Variants in CPQ observed in about 807,000 individuals in gnomAD.
The protein encoded by CPQ is Ser-Met dipeptidase.
A neutral mutation model predicts 45.7 loss-of-function variants in CPQ; 37 were observed. That is an observed-to-expected ratio of 0.81 (90% CI 0.62 to 1.07). The LOEUF is 1.07. CPQ is among the 50% of genes least tolerant of loss of function. The pLI, the probability that CPQ is intolerant of heterozygous loss-of-function variation, is 0.00. For missense variants in CPQ, 537 were observed against 572.9 expected (o/e 0.94, Z 0.64); for synonymous variants, 186 against 205.8 (o/e 0.90, Z 0.82).
rs1157604417 is a variant in CPQ at position 97,109,995 on chromosome 8, C to CAA, written c.1256-33025_1256-33024insAA. Among the ~76,000 whole-genome samples, 8 of 152,238 alleles carry CAA rather than the reference C, an allele frequency of 5.3e-5. No individual in the cohort carries two copies. In the South Asian group the frequency reaches 1.5e-3, roughly 28 times the overall value. On this transcript the variant is annotated intron_variant, in intron 7 of 7. Coordinates refer to ENST00000220763, the MANE Select transcript of CPQ (RefSeq NM_016134.4). ...CAACTCTTATTTTTTTCTATTTTTA[C>CAA]TGAGATACAATTGACATATGGTAAA... is the stretch of plus-strand genomic sequence containing the variant.
intron 6 of CPQ, among the ~76,000 whole-genome samples, chr8:97,060,881 T>A (rs538685652): frequency 6.6e-6 from 1 of 152,264 alleles, no homozygotes; most frequent in South Asian, 2.1e-4. Context: ...AGTTCTAACA[T>A]CCCAGTGACA....
intron 1 of CPQ, among the ~76,000 whole-genome samples, chr8:96,707,663 TAATG>T (rs200941319): frequency 0.014 from 2,189 of 152,008 alleles, 62 homozygotes; most frequent in African/African-American, 0.047. Flanking sequence ...AATTTCATTT[TAATG>T]AATGAATGAA....
chr8:96,831,030 A>G (rs570848395), intron 2 of CPQ, among the ~76,000 whole-genome samples: 20 of 152,310 alleles, frequency 1.3e-4, no homozygotes, highest in African/African-American at 4.1e-4. Context: ...CATAATAACT[A>G]CTTTGCAGAG....
chr8:97,127,009 A>C lies in CPQ; in HGVS notation c.1256-16011A>C, dbSNP rs543116442. Among the ~76,000 whole-genome samples, 223 of 152,348 alleles carry C rather than the reference A, an allele frequency of 1.5e-3. 1 individual carries two copies. Among genetic ancestry groups the C allele is most frequent in the Non-Finnish European group, 2.6e-3 (179 of 68,036 alleles). On this transcript the variant is annotated intron_variant, in intron 7 of 7. Transcript: ENST00000220763. ...AGCCCTTATCTCATACCCTGCACAA[A>C]AATTAACTCAAAATGGATCATAAAC... is the stretch of plus-strand genomic sequence containing the variant.
At chr8:96,776,730 G>T (rs927339404) in intron 1 of CPQ, among the ~76,000 whole-genome samples, 5 of 152,080 alleles carry the variant, frequency 3.3e-5, no homozygotes, top group Admixed American at 1.3e-4. Context: ...ACATTATAAA[G>T]AATTTTATCT....
At chr8:97,061,388 G>T (rs550494604) in intron 6 of CPQ, among the ~76,000 whole-genome samples, 3 of 151,908 alleles carry the variant, frequency 2.0e-5, no homozygotes, top group South Asian at 2.1e-4. Flanking sequence ...ATTTAACTAC[G>T]GTCTTTGTAT....
At chr8:96,970,709 G>A (rs895509327) in intron 5 of CPQ, among the ~76,000 whole-genome samples, 1 of 151,988 alleles carries the variant, frequency 6.6e-6, no homozygotes, top group African/African-American at 2.4e-5. Flanking sequence ...GACTACAGGC[G>A]CCCGCTACCA....
intron 2 of CPQ, 116 bp downstream of exon 2, chr8:96,785,446 C>T (rs1256343918): frequency 5.7e-6 from 5 of 877,460 alleles, no homozygotes; most frequent in Admixed American, 6.0e-5. Flanking sequence ...ATTCCATTGG[C>T]TTAATGAGTT....
chr8:97,073,821 T>C (rs1423967555), intron 7 of CPQ, among the ~76,000 whole-genome samples: 1 of 152,178 alleles, frequency 6.6e-6, no homozygotes, highest in Non-Finnish European at 1.5e-5. Context: ...TTATAGTAGG[T>C]GGTTACCTCT....
Position 97,002,340 on chromosome 8 carries a change from G to A in CPQ, c.962-27063G>A, listed in dbSNP as rs962434265. Among the ~76,000 whole-genome samples, 7 of 151,998 alleles carry A rather than the reference G, an allele frequency of 4.6e-5. 1 individual carries two copies. The highest frequency in any genetic ancestry group is 4.6e-4 in the Admixed American group (7 of 15,248). ...GCTTGCTCTTGGTTCTCTAGTTCTT[G>A]TAGTGGTGATGTTAGGTTGTTAACT... On this transcript the variant is annotated intron_variant, in intron 5 of 7. Coordinates refer to ENST00000220763, the MANE Select transcript of CPQ (RefSeq NM_016134.4).
chr8:96,871,475 G>A lies in CPQ; in HGVS notation c.642-8323G>A, dbSNP rs115869633. Among the ~76,000 whole-genome samples, 1,271 of 150,436 alleles carry A rather than the reference G, an allele frequency of 8.4e-3. 26 individuals carry two copies. The highest frequency in any genetic ancestry group is 0.03 in the African/African-American group (1,217 of 41,052). On this transcript the variant is annotated intron_variant, in intron 3 of 7. Coordinates refer to ENST00000220763, the MANE Select transcript of CPQ (RefSeq NM_016134.4). ...GCCACAGGTGCTCAAATGCCTGGGA[G>A]CTAGAATTTCAAGGATTCAAATTGC...
At chr8:96,854,066 G>A (rs1811807885) in intron 3 of CPQ, among the ~76,000 whole-genome samples, 1 of 152,048 alleles carries the variant, frequency 6.6e-6, no homozygotes, top group Admixed American at 6.5e-5. Flanking sequence ...TGGGTTTTGT[G>A]GACACATCAC....
At chr8:96,986,794 A>G (rs933034882) in intron 5 of CPQ, among the ~76,000 whole-genome samples, 3 of 152,196 alleles carry the variant, frequency 2.0e-5, no homozygotes, top group African/African-American at 7.2e-5. Flanking sequence ...GGACGTTTGA[A>G]TCACACACGT....
chr8:96,752,785 A>C (rs920911489), intron 1 of CPQ, among the ~76,000 whole-genome samples: 1 of 152,008 alleles, frequency 6.6e-6, no homozygotes, highest in African/African-American at 2.4e-5. Flanking sequence ...GGCTCTGATT[A>C]TATCATGATA....
intron 6 of CPQ, 124 bp from the exon 7 acceptor site, chr8:97,065,885 C>A (rs1810626670): frequency 3.4e-6 from 3 of 888,010 alleles, no homozygotes; most frequent in Non-Finnish European, 5.3e-6. Flanking sequence ...AAGTCAGGCA[C>A]AGCAACATGT....
At chr8:97,123,138 TA>T (rs1293793452) in intron 7 of CPQ, among the ~76,000 whole-genome samples, 6 of 51,510 alleles carry the variant, frequency 1.2e-4, no homozygotes, top group South Asian at 5.3e-4. Context: ...TAAAATAAAA[TA>T]AAATAAAATA....
intron 2 of CPQ, among the ~76,000 whole-genome samples, chr8:96,805,542 G>A (rs1029377572): frequency 6.6e-6 from 1 of 152,102 alleles, no homozygotes; most frequent in African/African-American, 2.4e-5. Context: ...TCAGAGCCTG[G>A]CTCATTACAG....
intron 2 of CPQ, among the ~76,000 whole-genome samples, chr8:96,823,626 G>A (rs1047840336): frequency 2.6e-5 from 4 of 151,258 alleles, no homozygotes; most frequent in Non-Finnish European, 5.9e-5. Context: ...TTTCTTCAAT[G>A]TAATTTTGCA....
At chr8:96,656,334 C>T (rs1469003076) in intron 1 of CPQ, among the ~76,000 whole-genome samples, 1 of 152,134 alleles carries the variant, frequency 6.6e-6, no homozygotes, top group African/African-American at 2.4e-5. Flanking sequence ...GGCTCGGCTC[C>T]CATGCTTCGG....
Sources: gnomAD v4.1 joint callset for allele counts (sites outside exome capture counted in the v4.1 genomes callset) on GRCh38, gnomAD v4.1.1 for gene constraint, MANE v1.5 for transcripts, NCBI Gene and HGNC (gene_info 2026-07-23, HGNC 2026-07-21) for gene names.